Variants in MAP3K4 observed in about 807,000 individuals in gnomAD.
The protein encoded by MAP3K4 is mitogen-activated protein kinase kinase kinase 4, also known as MAP three kinase 1.
A neutral mutation model predicts 185.6 loss-of-function variants in MAP3K4; 67 were observed. That is an observed-to-expected ratio of 0.36 (90% confidence interval 0.30 to 0.44). The LOEUF is 0.44. Ranked by LOEUF, MAP3K4 falls within the 20% of genes least tolerant of loss-of-function variation. The probability of loss-of-function intolerance (pLI) is 1.00; values close to 1 mark genes in which losing one functional copy is unlikely to be tolerated. For synonymous variants in MAP3K4, 702 were observed against 710.4 expected (o/e 0.99, Z 0.19); for missense variants, 1,551 against 1,995.1 (o/e 0.78, Z 4.24).
At chr6:160,995,773 G>T (rs1780959240) in intron 1 of MAP3K4, among the ~76,000 whole-genome samples, 1 of 152,104 alleles carries the variant, frequency 6.6e-6, no homozygotes, top group Admixed American at 6.5e-5. Flanking sequence ...AAACTAATTT[G>T]GAACAATTTA....
In MAP3K4 at chr6:161,106,668, G is replaced by A. The variant is rs753610861; in HGVS notation, c.4011G>A (p.Arg1337=). The change falls in exon 20 of 27, where the codon AGG becomes AGA. Residue 1337 remains arginine (R), a synonymous_variant. Transcript: ENST00000392142. This position sits in a 1 kb window ranked among gnomAD's most constrained non-coding sequence, Gnocchi z 4.9. ...ATAATGTTATGCACGTTGGCTTGAG[G>A]AAGGTGACCTTCAAATGGCAAAGAG... ...SYDNVMHVGL[R]KVTFKWQRGN... 14 of 1,611,964 alleles carry A rather than the reference G, an allele frequency of 8.7e-6. No homozygotes were observed. The South Asian group carries it at 1.5e-4, about 18-fold the overall frequency.
intron 2 of MAP3K4, among the ~76,000 whole-genome samples, chr6:161,039,608 T>C (rs965412378): frequency 2.6e-5 from 4 of 152,244 alleles, no homozygotes; most frequent in African/African-American, 4.8e-5. Context: ...ATAATAGTGC[T>C]AATTTCCTGC....
rs564932349 is a variant in MAP3K4, at chr6:161,048,176, G to A, written c.344-440G>A. The A allele has an allele frequency of 4.8e-5, 24 of 496,568 alleles. No individual in the cohort carries two copies. Among genetic ancestry groups the A allele is most frequent in the East Asian group, 1.2e-4 (2 of 16,592 alleles). The allele number at this position is 496,568 out of a possible 1,614,324, so 30.8% of individuals were successfully genotyped here. A position where few individuals can be genotyped will look rare whatever the true frequency, so the allele number is the denominator to read the frequency against. On this transcript the variant is annotated intron_variant, in intron 2 of 26. Coordinates refer to ENST00000392142, the MANE Select transcript of MAP3K4 (RefSeq NM_005922.4). This position sits in a 1 kb window ranked among gnomAD's most constrained non-coding sequence, Gnocchi z 4.7. ...GAGAAAAGTAATCCAGATAATTTAC[G>A]TGATTTCCTCTTAAGTTTACACATT...
In MAP3K4 at chr6:161,098,136, C is replaced by T; in HGVS notation, c.3525-142C>T. The T allele has an allele frequency of 1.9e-6, 2 of 1,031,984 alleles. No individual in the cohort carries two copies. The highest frequency in any genetic ancestry group is 1.4e-6 in the Non-Finnish European group (1 of 714,688). The allele number at this position is 1,031,984 out of a possible 1,614,324, so 63.9% of individuals were successfully genotyped here. A position where few individuals can be genotyped will look rare whatever the true frequency, so the allele number is the denominator to read the frequency against. ...AGGTTTTTTCTTTTTTACACCTAGA[C>T]TCAAATCTCAAAGAACAATTTGCAT... is the stretch of plus-strand genomic sequence containing the variant. On this transcript the variant is annotated intron_variant, in intron 16 of 26. Coordinates refer to ENST00000392142, the MANE Select transcript of MAP3K4 (RefSeq NM_005922.4). This position sits in a 1 kb window ranked among gnomAD's most constrained non-coding sequence, Gnocchi z 4.4.
rs1778493366 is a variant in MAP3K4 at position 161,114,177 on chromosome 6, C to CT, written c.4627-945dup. 6.6e-6 allele frequency among the ~76,000 whole-genome samples: 1 copy of CT among 152,168 alleles called. No homozygotes were observed. The highest frequency in any genetic ancestry group is 2.1e-4 in the South Asian group (1 of 4,832). ...GCTGCTCCGGAGACATTTCCAATCT[C>CT]TATCAAAATTTTAAATGTGCATAGC... On this transcript the variant is annotated intron_variant, in intron 25 of 26. Transcript: ENST00000392142. This position sits in a 1 kb window ranked among gnomAD's most constrained non-coding sequence, Gnocchi z 4.3.
rs750681640 is a variant in MAP3K4 at position 161,049,931 on chromosome 6, C to T, written c.1659C>T (p.Ser553=). ...GACTTCACAAGCTAATGGATGGTTC[C>T]TTGCAAAGGGCACGTATAGCATTGG... The part of the protein sequence containing the change: ...ILRLHKLMDG[S]LQRARIALVK... Residue 553 remains serine, a synonymous_variant, in exon 3 of 27, where the codon TCC becomes TCT. Coordinates refer to ENST00000392142, the MANE Select transcript of MAP3K4 (RefSeq NM_005922.4). The surrounding 1 kb of genome is among the most constrained non-coding windows in gnomAD (Gnocchi z 8.4). 1.4e-5 allele frequency: 22 copies of T among 1,613,694 alleles called. No individual in the cohort carries two copies. The South Asian group carries it at 2.4e-4, about 18-fold the overall frequency.
intron 1 of MAP3K4, among the ~76,000 whole-genome samples, chr6:160,998,965 T>A (rs1270955357): frequency 6.6e-6 from 1 of 152,232 alleles, no homozygotes; most frequent in Non-Finnish European, 1.5e-5. Flanking sequence ...GTTTTGCAAT[T>A]TGCAGACCTA....
In MAP3K4 at chr6:161,034,280, T is replaced by G; in HGVS notation, c.174T>G (p.Asp58Glu). 6.2e-7 allele frequency: 1 copy of G among 1,613,664 alleles called. No homozygotes were observed. The highest frequency in any genetic ancestry group is 8.5e-7 in the Non-Finnish European group (1 of 1,179,724). The change falls in exon 2 of 27, where the codon GAT (aspartate) becomes GAG (glutamate). Residue 58 changes from aspartate (D) to glutamate (E), a missense_variant. This residue lies in a region of MAP3K4 where 287 missense variants were observed against 268.8 expected (regional missense o/e 1.07). Transcript: ENST00000392142. The surrounding 1 kb of genome is among the most constrained non-coding windows in gnomAD (Gnocchi z 4.4). ...LAARQEGTLG[D>E]SACKSPESDL... ...ATAGGCAAGAGGGCACATTGGGAGA[T>G]TCAGCTTGCAAGAGTCCTGAATCTG...
chr6:161,040,007 G>C (rs532667083), intron 2 of MAP3K4, among the ~76,000 whole-genome samples: 8 of 152,068 alleles, frequency 5.3e-5, no homozygotes, highest in Non-Finnish European at 8.8e-5. Context: ...GATACCTAGT[G>C]GTGGAATTGC....
rs565186490 is a variant in MAP3K4, at chr6:161,093,997, T to C, written c.3427+146T>C. The C allele has an allele frequency of 2.6e-5, 16 of 605,888 alleles. No homozygotes were observed. The East Asian group carries it at 4.1e-4, about 15-fold the overall frequency. 37.5% of individuals were successfully genotyped at this position (605,888 alleles called of 1,614,324 possible). A position where few individuals can be genotyped will look rare whatever the true frequency, so the allele number is the denominator to read the frequency against. ...CAATGAGAGGGACAGAAATGAGGTG[T>C]GTAGATAGAGAACTCCGCAGCAACC... is the stretch of plus-strand genomic sequence containing the variant. On this transcript the variant is annotated intron_variant, in intron 15 of 26. Coordinates refer to ENST00000392142, the MANE Select transcript of MAP3K4 (RefSeq NM_005922.4). This position sits in a 1 kb window ranked among gnomAD's most constrained non-coding sequence, Gnocchi z 5.2.
chr6:161,002,169 A>T (rs1369570986), intron 1 of MAP3K4, among the ~76,000 whole-genome samples: 3 of 148,910 alleles, frequency 2.0e-5, no homozygotes, highest in Non-Finnish European at 4.4e-5. Context: ...CCCTTGGATC[A>T]TCATAAATCA....
At position 161,064,029 on chromosome 6, in the gene MAP3K4, C is replaced by A. The variant is rs956776509; in HGVS notation, c.1708-6579C>A. Among the ~76,000 whole-genome samples, 13 of 152,184 alleles carry A rather than the reference C, an allele frequency of 8.5e-5. No homozygotes were observed. In the South Asian group the frequency reaches 1.0e-3, roughly 12 times the overall value. On this transcript the variant is annotated intron_variant, in intron 3 of 26. Transcript: ENST00000392142. The surrounding 1 kb of genome is among the most constrained non-coding windows in gnomAD (Gnocchi z 4.3). ...TCTCACAGAGTTTTGGTTTTGCTGT[C>A]CTCATTGCTCCATTTTTATGAGAGG...
At chr6:161,004,942 A>G (rs1781505023) in intron 1 of MAP3K4, among the ~76,000 whole-genome samples, 1 of 152,224 alleles carries the variant, frequency 6.6e-6, no homozygotes, top group Non-Finnish European at 1.5e-5. Context: ...ACGTTGAAAC[A>G]GAGAAAACAC....
At chr6:161,019,435 G>A (rs981529731) in intron 1 of MAP3K4, among the ~76,000 whole-genome samples, 2 of 151,996 alleles carry the variant, frequency 1.3e-5, no homozygotes, top group South Asian at 2.1e-4. Context: ...TTTTTGAGAC[G>A]GAGTCTCTCT....
intron 23 of MAP3K4, among the ~76,000 whole-genome samples, chr6:161,111,229 G>A (rs1778336433): frequency 6.6e-6 from 1 of 152,214 alleles, no homozygotes; most frequent in African/African-American, 2.4e-5. Context: ...TGCCAGAGAT[G>A]TGTGACTTAG....
intron 1 of MAP3K4, among the ~76,000 whole-genome samples, chr6:161,026,414 C>T (rs190405858): frequency 0.014 from 2,153 of 152,140 alleles, 16 homozygotes; most frequent in Non-Finnish European, 0.023. Flanking sequence ...GGATTACAGG[C>T]ATGAGCCACC....
chr6:161,023,849 A>G (rs1470277559), intron 1 of MAP3K4, among the ~76,000 whole-genome samples: 1 of 152,202 alleles, frequency 6.6e-6, no homozygotes, highest in Non-Finnish European at 1.5e-5. Context: ...TTTGGCTCTT[A>G]GTCTTTTATA....
rs1006130697 is a variant in MAP3K4 at position 161,063,856 on chromosome 6, G to A, written c.1708-6752G>A. Among the ~76,000 whole-genome samples, 1 of 152,026 alleles carries A rather than the reference G, an allele frequency of 6.6e-6. No individual in the cohort carries two copies. The highest frequency in any genetic ancestry group is 2.4e-5 in the African/African-American group (1 of 41,372). On this transcript the variant is annotated intron_variant, in intron 3 of 26. Coordinates refer to ENST00000392142, the MANE Select transcript of MAP3K4 (RefSeq NM_005922.4). The surrounding 1 kb of genome is among the most constrained non-coding windows in gnomAD (Gnocchi z 5.4). ...CATGACTTGGGAATTGCCTCTTTAC[G>A]CCCTTCAGACACCCTGTTAATTTCC... is the stretch of plus-strand genomic sequence containing the variant.
intron 2 of MAP3K4, among the ~76,000 whole-genome samples, chr6:161,047,341 G>A (rs1175223544): frequency 6.6e-6 from 1 of 151,338 alleles, no homozygotes; most frequent in Non-Finnish European, 1.5e-5. Context: ...TTGGGAGGCT[G>A]AGGCGGGAGG....
Sources: allele counts gnomAD v4.1 joint callset (sites outside exome capture counted in the v4.1 genomes callset), GRCh38; gene constraint gnomAD v4.1.1; regional missense constraint gnomAD v4.1.1; non-coding constraint Gnocchi (gnomAD v3.1); transcripts MANE v1.5; gene names NCBI Gene and HGNC (gene_info 2026-07-23, HGNC 2026-07-21).